Variants in MTUS2 observed in about 807,000 individuals in gnomAD.
MTUS2 encodes microtubule-associated tumor suppressor candidate 2.
In MTUS2, 40 loss-of-function variants were observed where a neutral mutation model predicts 114.1. The ratio of observed to expected loss-of-function variants is 0.35; its 90% CI spans 0.27 to 0.46. MTUS2 has a LOEUF of 0.46. MTUS2 is among the 20% of genes least tolerant of loss of function. The probability of loss-of-function intolerance (pLI) is 1.00; values close to 1 mark genes in which losing one functional copy is unlikely to be tolerated. For synonymous variants in MTUS2, 688 were observed against 672.0 expected (o/e 1.02, Z -0.37); for missense variants, 1,679 against 1,705.4 (o/e 0.98, Z 0.27).
intron 4 of MTUS2, among the ~76,000 whole-genome samples, chr13:29,099,008 T>C: frequency 6.6e-6 from 1 of 152,228 alleles, no homozygotes; most frequent in Admixed American, 6.5e-5. Context: ...TAGCAACTCT[T>C]TTCCTGTTCT....
intron 4 of MTUS2, among the ~76,000 whole-genome samples, chr13:29,074,039 G>T (rs78846110): frequency 2.2e-4 from 34 of 152,174 alleles, no homozygotes; most frequent in African/African-American, 7.9e-4. Context: ...TTTATTGGCT[G>T]CCTCCCAACT....
chr13:29,043,628 G>GAT lies in MTUS2; in HGVS notation c.2446+9504_2446+9505insTA, dbSNP rs1490466682. ...TATAAATTTGGGAGCTCCAGTGTTA[G>GAT]AGATATATATATATATATTTAGGGT... On this transcript the variant is annotated intron_variant, in intron 4 of 15. Coordinates refer to ENST00000612955, the MANE Select transcript of MTUS2 (RefSeq NM_001033602.4). 1.4e-4 allele frequency among the ~76,000 whole-genome samples: 21 copies of GAT among 151,428 alleles called. No individual in the cohort carries two copies. In the East Asian group the frequency reaches 3.7e-3, roughly 27 times the overall value.
intron 5 of MTUS2, among the ~76,000 whole-genome samples, chr13:29,144,672 C>G (rs936198720): frequency 6.6e-6 from 1 of 152,158 alleles, no homozygotes; most frequent in Non-Finnish European, 1.5e-5. Flanking sequence ...CATGGGCTTG[C>G]TCAACATAAT....
At chr13:29,082,163 A>G (rs1448891015) in intron 4 of MTUS2, among the ~76,000 whole-genome samples, 1 of 152,198 alleles carries the variant, frequency 6.6e-6, no homozygotes, top group African/African-American at 2.4e-5. Context: ...CTGTGTGAGG[A>G]CACAGCAATA....
intron 2 of MTUS2, among the ~76,000 whole-genome samples, chr13:29,000,050 C>G (rs1390696720): frequency 2.6e-5 from 4 of 152,100 alleles, no homozygotes; most frequent in African/African-American, 7.2e-5. Flanking sequence ...GATTTCATGC[C>G]TTGGTTACTG....
At chr13:29,105,489 A>G (rs543468304) in intron 5 of MTUS2, among the ~76,000 whole-genome samples, 2 of 152,340 alleles carry the variant, frequency 1.3e-5, no homozygotes, top group East Asian at 3.9e-4. Flanking sequence ...AAAGAAGTAC[A>G]TGAAGAATAT....
At chr13:29,053,559 A>G (rs1052224809) in intron 4 of MTUS2, among the ~76,000 whole-genome samples, 5 of 152,218 alleles carry the variant, frequency 3.3e-5, no homozygotes, top group Non-Finnish European at 7.3e-5. Context: ...GCCCCTTACT[A>G]GACAATTCCC....
rs576796821 is a variant in MTUS2, at chr13:29,403,435, G to T, written c.3118-36548G>T. On this transcript the variant is annotated intron_variant, in intron 8 of 15. Transcript: ENST00000612955. Reference sequence around the variant, plus strand: ...TGTGATGGCAAATTTTGCACATTTTGATTAGGCCATGGGTGCCCAGACATT... The same window carrying T: ...TGTGATGGCAAATTTTGCACATTTTTATTAGGCCATGGGTGCCCAGACATT... Among the ~76,000 whole-genome samples the T allele has an allele frequency of 5.3e-5, 8 of 152,328 alleles. No individual in the cohort carries two copies. The South Asian group carries it at 1.7e-3, about 32-fold the overall frequency.
intron 2 of MTUS2, among the ~76,000 whole-genome samples, chr13:28,977,621 C>T (rs979601736): frequency 2.6e-5 from 4 of 152,100 alleles, no homozygotes; most frequent in African/African-American, 9.7e-5. Flanking sequence ...ACATGTACAT[C>T]AATCATCATA....
At chr13:28,963,977 C>G (rs547669208) in intron 2 of MTUS2, among the ~76,000 whole-genome samples, 1 of 152,294 alleles carries the variant, frequency 6.6e-6, no homozygotes, top group Non-Finnish European at 1.5e-5. Flanking sequence ...GCTGTGAACT[C>G]TTCATCCTTC....
At chr13:29,067,064 G>A (rs1254443481) in intron 4 of MTUS2, among the ~76,000 whole-genome samples, 1 of 152,202 alleles carries the variant, frequency 6.6e-6, no homozygotes, top group Non-Finnish European at 1.5e-5. Context: ...AGGATTGGGG[G>A]TGGTGGAAGA....
intron 7 of MTUS2, among the ~76,000 whole-genome samples, chr13:29,355,441 A>G (rs1368716791): frequency 6.6e-6 from 1 of 152,202 alleles, no homozygotes; most frequent in Non-Finnish European, 1.5e-5. Flanking sequence ...GATTTAGAGT[A>G]TGCACCCAAA....
intron 2 of MTUS2, among the ~76,000 whole-genome samples, chr13:28,907,974 T>C (rs1880154358): frequency 1.3e-5 from 2 of 151,516 alleles, no homozygotes; most frequent in South Asian, 4.2e-4. Context: ...TATTTATCTT[T>C]GGCTGCTTTC....
At position 28,909,696 on chromosome 13, in the gene MTUS2, A is replaced by T. The variant is rs183165006; in HGVS notation, c.-243+69846A>T. On this transcript the variant is annotated intron_variant, in intron 2 of 15. Coordinates refer to ENST00000612955, the MANE Select transcript of MTUS2 (RefSeq NM_001033602.4). ...CTGGCCAGGGCAATCAGGCAGGAGA[A>T]GGAAATAAAGGGTATTCAATTAGGA... 4.7e-4 allele frequency among the ~76,000 whole-genome samples: 72 copies of T among 152,276 alleles called. No homozygotes were observed. The East Asian group carries it at 0.012, about 25-fold the overall frequency.
intron 5 of MTUS2, among the ~76,000 whole-genome samples, chr13:29,123,477 G>T (rs986389813): frequency 1.3e-5 from 2 of 152,116 alleles, no homozygotes; most frequent in African/African-American, 4.8e-5. Context: ...AGCATTTTGG[G>T]AGGCCGAGAA....
chr13:29,377,429 G>C (rs1182691398), intron 8 of MTUS2, among the ~76,000 whole-genome samples: 1 of 152,046 alleles, frequency 6.6e-6, no homozygotes, highest in Non-Finnish European at 1.5e-5. Context: ...AAAAGATTTT[G>C]TCTCATTGAT....
chr13:29,378,017 G>A (rs1468043518), intron 8 of MTUS2, among the ~76,000 whole-genome samples: 7 of 152,188 alleles, frequency 4.6e-5, no homozygotes, highest in Admixed American at 2.0e-4. Flanking sequence ...AGCTGGTCTC[G>A]AAAGGTTACG....
intron 2 of MTUS2, among the ~76,000 whole-genome samples, chr13:28,877,548 T>C (rs1169833551): frequency 1.3e-5 from 2 of 152,192 alleles, no homozygotes; most frequent in African/African-American, 4.8e-5. Flanking sequence ...GAATGTCATA[T>C]TATAGTCATG....
Position 29,026,813 on chromosome 13 carries a change from G to A in MTUS2, c.2115G>A (p.Lys705=), listed in dbSNP as rs758022964. 13 of 1,612,152 alleles carry A rather than the reference G, an allele frequency of 8.1e-6. No individual in the cohort carries two copies. Among genetic ancestry groups the A allele is most frequent in the Middle Eastern group, 3.3e-4 (2 of 6,084 alleles). Reference sequence around the variant, plus strand: ...AGAAATTCAAGCCAGACCTGCAGAAGCCAAGGGTCTTCAGTTCCGGATTGA... The same window carrying A: ...AGAAATTCAAGCCAGACCTGCAGAAACCAAGGGTCTTCAGTTCCGGATTGA... ...LYEKFKPDLQ[K]PRVFSSGLMV... Residue 705 remains lysine, a synonymous_variant, in exon 3 of 16, where the codon AAG becomes AAA. Transcript: ENST00000612955.
Sources: allele counts gnomAD v4.1 joint callset (sites outside exome capture counted in the v4.1 genomes callset), GRCh38; gene constraint gnomAD v4.1.1; transcripts MANE v1.5; gene names NCBI Gene and HGNC (gene_info 2026-07-23, HGNC 2026-07-21).